HMOX2: variants seen among roughly 807,000 people sequenced by gnomAD.
HMOX2 encodes the protein heme oxygenase 2.
Under a neutral mutation model 33.7 loss-of-function variants are expected in HMOX2, and 30 were observed. That is an observed-to-expected ratio of 0.89 (90% CI 0.67 to 1.21). HMOX2 has a LOEUF of 1.21. Among genes scored for constraint, HMOX2 ranks in the 50% most tolerant of loss-of-function variants. The probability of loss-of-function intolerance (pLI) is 0.00; values close to 1 mark genes in which losing one functional copy is unlikely to be tolerated. For synonymous variants in HMOX2, 155 were observed against 155.0 expected (o/e 1.00, Z 0.00); for missense variants, 403 against 399.1 (o/e 1.01, Z -0.08).
At position 4,495,185 on chromosome 16, in the gene HMOX2, A is replaced by G. The variant is rs190439508; in HGVS notation, c.-41-10299A>G. On this transcript the variant is annotated intron_variant, in intron 1 of 5. Transcript: ENST00000570646. ...AGGCCCTATATACTAAGGGAGGAAA[A>G]CAGTTGAGGACCTCCTTTTTTTAGG... is the stretch of plus-strand genomic sequence containing the variant. Among the ~76,000 whole-genome samples, 25 of 152,314 alleles carry G rather than the reference A, an allele frequency of 1.6e-4. 1 individual carries two copies. The highest frequency in any genetic ancestry group is 5.8e-4 in the African/African-American group (24 of 41,578).
intron 1 of HMOX2, among the ~76,000 whole-genome samples, chr16:4,503,821 T>G (rs2058619774): frequency 2.0e-5 from 3 of 152,382 alleles, no homozygotes; most frequent in Admixed American, 1.3e-4. Context: ...GGACCATTTC[T>G]TAACACTTCT....
chr16:4,491,479 A>T (rs1002165434), intron 1 of HMOX2, among the ~76,000 whole-genome samples: 22 of 151,932 alleles, frequency 1.4e-4, no homozygotes, highest in African/African-American at 5.3e-4. Flanking sequence ...GTGAAACCCC[A>T]TCTCTACAAA....
chr16:4,493,733 G>C (rs896487158), intron 1 of HMOX2, among the ~76,000 whole-genome samples: 1 of 152,150 alleles, frequency 6.6e-6, no homozygotes, highest in Non-Finnish European at 1.5e-5. Flanking sequence ...CCAGTCCACT[G>C]CCCCAGCTCC....
Position 4,508,014 on chromosome 16 carries a change from A to C in HMOX2, c.506A>C (p.Lys169Thr). The part of the protein sequence containing the change: ...GDLSGGQVLK[K>T]VAQRALKLPS... ...CTCTCGGGGGGCCAGGTGCTGAAGA[A>C]GGTGGCCCAGCGAGCACTGAAACTC... Residue 169 changes from lysine to threonine, a missense_variant, in exon 4 of 6, where the codon AAG (lysine) becomes ACG (threonine). Transcript: ENST00000570646. The C allele has an allele frequency of 6.2e-7, 1 of 1,614,058 alleles. No individual in the cohort carries two copies. The highest frequency in any genetic ancestry group is 1.1e-5 in the South Asian group (1 of 91,078).
intron 3 of HMOX2, among the ~76,000 whole-genome samples, 192 bp from the exon 4 acceptor site, chr16:4,507,521 G>A (rs1002479090): frequency 9.9e-5 from 15 of 152,098 alleles, no homozygotes; most frequent in African/African-American, 1.9e-4. Flanking sequence ...AAAAGTATGC[G>A]TGTTCCAAAG....
intron 1 of HMOX2, among the ~76,000 whole-genome samples, chr16:4,493,726 G>T (rs1272275848): frequency 6.6e-6 from 1 of 152,160 alleles, no homozygotes; most frequent in Non-Finnish European, 1.5e-5. Flanking sequence ...GTAAAATCCA[G>T]TCCACTGCCC....
chr16:4,509,328 A>T, intron 4 of HMOX2, 84 bp from the exon 5 acceptor site: 266 of 1,412,990 alleles, frequency 1.9e-4, no homozygotes, highest in Non-Finnish European at 2.4e-4. Context: ...TGGGCAACAG[A>T]GACCTCATCT....
At chr16:4,492,047 C>G (rs957728267) in intron 1 of HMOX2, among the ~76,000 whole-genome samples, 13 of 152,056 alleles carry the variant, frequency 8.5e-5, no homozygotes, top group African/African-American at 3.1e-4. Flanking sequence ...CAGGCAGCAT[C>G]AAAACTACAC....
chr16:4,494,662 T>C (rs1393711617), intron 1 of HMOX2, among the ~76,000 whole-genome samples: 1 of 151,364 alleles, frequency 6.6e-6, no homozygotes, highest in Non-Finnish European at 1.5e-5. Flanking sequence ...GCAGATCGCT[T>C]GAGTCCAGGA....
chr16:4,487,195 C>A (rs1404289700), intron 1 of HMOX2, among the ~76,000 whole-genome samples: 1 of 152,050 alleles, frequency 6.6e-6, no homozygotes, highest in African/African-American at 2.4e-5. Context: ...GGAGTTGAGG[C>A]TGCAGTGAGC....
chr16:4,479,958 C>T (rs2057975379), intron 1 of HMOX2, among the ~76,000 whole-genome samples: 1 of 151,692 alleles, frequency 6.6e-6, no homozygotes. Flanking sequence ...GGGCTGGTCT[C>T]CTACTCCTGA....
At chr16:4,480,223 C>G (rs61660752) in intron 1 of HMOX2, among the ~76,000 whole-genome samples, 35 of 149,750 alleles carry the variant, frequency 2.3e-4, no homozygotes, top group Admixed American at 6.0e-4. Context: ...AATTTTTGTA[C>G]TTTTGGTAGA....
At chr16:4,482,830 C>G (rs1034383008) in intron 1 of HMOX2, among the ~76,000 whole-genome samples, 49 of 152,052 alleles carry the variant, frequency 3.2e-4, no homozygotes, top group African/African-American at 1.1e-3. Context: ...GAGTTTGAGA[C>G]CAGCCTGACC....
rs1411624466 is a variant in HMOX2 at position 4,507,806 on chromosome 16, C to T, written c.298C>T (p.Pro100Ser). Reference sequence around the variant, plus strand: ...TCCAGCCTTTGCCCCTTTGTACTTCCCCATGGAGCTGCACCGGAAGGAGGC... The same window carrying T: ...TCCAGCCTTTGCCCCTTTGTACTTCTCCATGGAGCTGCACCGGAAGGAGGC... The part of the protein sequence containing the change: ...DHPAFAPLYF[P>S]MELHRKEALT... The change falls in exon 4 of 6, where the codon CCC (proline) becomes TCC (serine). Residue 100 changes from proline (P) to serine (S), a missense_variant. Physicochemically the swap from Pro to Ser is moderately conservative, Grantham distance 74. Transcript: ENST00000570646. The T allele has an allele frequency of 6.2e-7, 1 of 1,614,168 alleles. No individual in the cohort carries two copies. The highest frequency in any genetic ancestry group is 8.5e-7 in the Non-Finnish European group (1 of 1,180,032).
At chr16:4,486,933 T>A (rs4785969) in intron 1 of HMOX2, among the ~76,000 whole-genome samples, 111,470 of 152,092 alleles carry the variant, frequency 0.73, 41,077 homozygotes, top group African/African-American at 0.78. Flanking sequence ...TATTTCCTTT[T>A]TGTATTGGCC....
At chr16:4,500,515 T>A (rs1006785861) in intron 1 of HMOX2, among the ~76,000 whole-genome samples, 1 of 152,164 alleles carries the variant, frequency 6.6e-6, no homozygotes, top group African/African-American at 2.4e-5. Context: ...TGTTGCTTAC[T>A]CTCGGTGCTG....
rs145712987 is a variant in HMOX2 at position 4,488,918 on chromosome 16, T to C, written c.-42+12431T>C. 3.5e-3 allele frequency among the ~76,000 whole-genome samples: 536 copies of C among 151,840 alleles called. 1 individual carries two copies. The highest frequency in any genetic ancestry group is 0.012 in the African/African-American group (513 of 41,414). ...TGGCTCAGTACAACCTCCACCATTGTGGGCTCAAGCAATCCTCCTGCCTAG... is the reference window on the plus strand; with the variant it reads ...TGGCTCAGTACAACCTCCACCATTGCGGGCTCAAGCAATCCTCCTGCCTAG... On this transcript the variant is annotated intron_variant, in intron 1 of 5. Transcript: ENST00000570646.
At chr16:4,488,952 A>G (rs1013344425) in intron 1 of HMOX2, among the ~76,000 whole-genome samples, 2 of 151,726 alleles carry the variant, frequency 1.3e-5, no homozygotes, top group Admixed American at 6.6e-5. Flanking sequence ...AGGACTCCTG[A>G]GTAGCTGGGA....
chr16:4,477,747 C>G (rs891531796), intron 1 of HMOX2, among the ~76,000 whole-genome samples: 1 of 151,920 alleles, frequency 6.6e-6, no homozygotes, highest in Non-Finnish European at 1.5e-5. Flanking sequence ...GGTGAAACCC[C>G]GTCTCTACTA....
Sources: gnomAD v4.1 joint callset for allele counts (sites outside exome capture counted in the v4.1 genomes callset) on GRCh38, gnomAD v4.1.1 for gene constraint, MANE v1.5 for transcripts, NCBI Gene and HGNC (gene_info 2026-07-23, HGNC 2026-07-21) for gene names.